Variants in PRMT2 observed in about 807,000 individuals in gnomAD.
The protein encoded by PRMT2 is protein arginine N-methyltransferase 2.
Under a neutral mutation model 57.6 loss-of-function variants are expected in PRMT2, and 26 were observed. The ratio of observed to expected loss-of-function variants is 0.45; its 90% confidence interval spans 0.33 to 0.63. The LOEUF (loss-of-function observed/expected upper bound fraction) is 0.63, where lower values mean the gene tolerates loss of function less well. PRMT2 is among the 20% of genes least tolerant of loss of function. PRMT2 has a pLI of 0.02. For missense variants in PRMT2, 472 were observed against 564.4 expected, an observed-to-expected ratio of 0.84 and a Z score of 1.66; for synonymous variants, 219 against 220.0, an observed-to-expected ratio of 1.00 and a Z score of 0.04.
intron 7 of PRMT2, chr21:46,654,037 C>T (rs892994497): frequency 4.3e-5 from 42 of 987,552 alleles, no homozygotes; most frequent in African/African-American, 3.0e-4. Flanking sequence ...ACATTCACCT[C>T]GGGGGAGGAG....
intron 5 of PRMT2, among the ~76,000 whole-genome samples, chr21:46,645,569 A>C (rs2061352228): frequency 6.6e-6 from 1 of 152,214 alleles, no homozygotes; most frequent in African/African-American, 2.4e-5. Flanking sequence ...ATCTCTGGTT[A>C]CATTTTAAAA....
chr21:46,651,271 C>T (rs1267765986), intron 7 of PRMT2, among the ~76,000 whole-genome samples: 3 of 152,078 alleles, frequency 2.0e-5, no homozygotes, highest in South Asian at 2.1e-4. Flanking sequence ...GGGGGCCTGG[C>T]GTGAGCAGGA....
At chr21:46,660,005 T>C (rs2061596955) in intron 8 of PRMT2, 2 of 984,142 alleles carry the variant, frequency 2.0e-6, no homozygotes, top group Non-Finnish European at 2.4e-6. Flanking sequence ...ATCACAATGC[T>C]AAGACAGGCA....
Position 46,664,275 on chromosome 21 carries a change from T to C in PRMT2, c.1270-20T>C. On this transcript the variant is annotated intron_variant, in intron 11 of 11. Transcript: ENST00000355680. ...AATGATTTATCATCTGATTGACCTG[T>C]TGTCATTTATCTTTTTCAGGTTGGA... 6.3e-7 allele frequency: 1 copy of C among 1,575,696 alleles called. No homozygotes were observed. The highest frequency in any genetic ancestry group is 8.7e-7 in the Non-Finnish European group (1 of 1,145,042).
chr21:46,636,829 GT>G, intron 2 of PRMT2, 66 bp from the exon 3 acceptor site: 1 of 897,926 alleles, frequency 1.1e-6, no homozygotes, highest in Non-Finnish European at 1.7e-6. Flanking sequence ...CACATTAGAA[GT>G]TAAGTGAACT....
chr21:46,637,205 ATACT>A (rs572284998), intron 3 of PRMT2, among the ~76,000 whole-genome samples: 142 of 152,372 alleles, frequency 9.3e-4, no homozygotes, highest in African/African-American at 3.2e-3. Flanking sequence ...TTCTAAGGAA[ATACT>A]TAGCCCCAAA....
Position 46,649,812 on chromosome 21 carries a change from C to T in PRMT2, c.654+73C>T. 6.4e-7 allele frequency: 1 copy of T among 1,563,184 alleles called. No homozygotes were observed. The highest frequency in any genetic ancestry group is 8.7e-7 in the Non-Finnish European group (1 of 1,152,480). ...TGAGCACGGGCTCGGCTGGGCCAAC[C>T]TCAGGATCTCAAGGGTCGTGCGTGA... is the stretch of plus-strand genomic sequence containing the variant. On this transcript the variant is annotated intron_variant, in intron 7 of 11. Coordinates refer to ENST00000355680, the MANE Select transcript of PRMT2 (RefSeq NM_206962.4). The surrounding 1 kb of genome is among the most constrained non-coding windows in gnomAD (Gnocchi z 4.8).
At chr21:46,653,707 G>T in intron 7 of PRMT2, 1 of 1,258,146 alleles carries the variant, frequency 7.9e-7, no homozygotes. Context: ...TAGTTCTGGT[G>T]CCCACACGCA....
At chr21:46,652,738 A>T in intron 7 of PRMT2, 1 of 1,131,880 alleles carries the variant, frequency 8.8e-7, no homozygotes, top group Non-Finnish European at 1.1e-6. Context: ...GTTCTGAAGG[A>T]GACGCAAGTA....
intron 8 of PRMT2, among the ~76,000 whole-genome samples, chr21:46,660,601 T>G (rs554708405): frequency 6.6e-6 from 1 of 152,254 alleles, no homozygotes; most frequent in African/African-American, 2.4e-5. Flanking sequence ...TGCCTCCAGG[T>G]CAGGCTCAGG....
intron 7 of PRMT2, chr21:46,650,003 G>GGGGATCT: frequency 1.4e-6 from 2 of 1,410,274 alleles, no homozygotes; most frequent in Non-Finnish European, 9.3e-7. Context: ...TGTTCTCCTC[G>GGGGATCT]GGGATCTGTA....
chr21:46,639,667 T>C (rs1367384431), intron 3 of PRMT2, among the ~76,000 whole-genome samples: 1 of 149,754 alleles, frequency 6.7e-6, no homozygotes, highest in Non-Finnish European at 1.5e-5. Flanking sequence ...GCTTTTTTTT[T>C]TTATCATTAG....
chr21:46,663,357 A>G (rs367889665), intron 10 of PRMT2, 26 bp from the exon 11 acceptor site: 10 of 1,593,792 alleles, frequency 6.3e-6, no homozygotes, highest in East Asian at 2.3e-5. Flanking sequence ...CTCAGCCTCC[A>G]GGTCACACGC....
intron 3 of PRMT2, chr21:46,643,283 GTGCCTGTT>G (rs557352483): frequency 4.0e-6 from 2 of 500,434 alleles, no homozygotes; most frequent in Non-Finnish European, 5.6e-6. Flanking sequence ...GACACTAGTG[GTGCCTGTT>G]TCTGACTTCT....
chr21:46,643,761 C>A, intron 4 of PRMT2, 122 bp downstream of exon 4: 1 of 1,219,988 alleles, frequency 8.2e-7, no homozygotes. Context: ...TAGGGCCACA[C>A]AAGACCTGTG....
intron 10 of PRMT2, 43 bp downstream of exon 10, chr21:46,661,979 AG>A: frequency 1.8e-5 from 1 of 56,210 alleles, no homozygotes; most frequent in Non-Finnish European, 3.2e-5. Context: ...GGTGGGGGGC[AG>A]GGGAGTAGGC....
intron 10 of PRMT2, 22 bp downstream of exon 10, chr21:46,661,958 ACGGGGTG>A (rs766287512): frequency 8.8e-5 from 68 of 776,662 alleles, no homozygotes; most frequent in Admixed American, 2.8e-4. Context: ...GGGCGCGGGC[ACGGGGTG>A]CGGGGTGGGG....
chr21:46,647,708 T>C (rs1742598580), intron 5 of PRMT2, among the ~76,000 whole-genome samples: 1 of 152,176 alleles, frequency 6.6e-6, no homozygotes. Flanking sequence ...TAATAAAAAA[T>C]CTAGAAATTA....
chr21:46,664,187 C>T, intron 11 of PRMT2, 108 bp from the exon 12 acceptor site: 2 of 878,724 alleles, frequency 2.3e-6, no homozygotes, highest in Non-Finnish European at 1.8e-6. Context: ...TAAAAAAATT[C>T]TGCACCTGAA....
Sources: gnomAD v4.1 joint callset for allele counts (sites outside exome capture counted in the v4.1 genomes callset) on GRCh38, gnomAD v4.1.1 for gene constraint, Gnocchi (gnomAD v3.1) non-coding constraint, MANE v1.5 for transcripts, NCBI Gene and HGNC (gene_info 2026-07-23, HGNC 2026-07-21) for gene names.